Variants in BAIAP3 observed in about 807,000 individuals in gnomAD.
BAIAP3 encodes BAI1-associated protein 3.
In BAIAP3, 180 loss-of-function variants were observed where a neutral mutation model predicts 149.7. The observed-to-expected ratio is 1.20, with a 90% CI of 1.07 to 1.36. BAIAP3 has a LOEUF of 1.36. Ranked by LOEUF, BAIAP3 falls within the 40% of genes most tolerant of loss-of-function variation. The pLI is 0.00. For missense variants in BAIAP3, 1,767 were observed against 1,563.4 expected (o/e 1.13, Z -2.20); for synonymous variants, 845 against 670.7 (o/e 1.26, Z -4.02).
Position 1,341,105 on chromosome 16 carries a change from CCCCCCACGCCCCTCTGTCCACAGG to C in BAIAP3, c.469-15_477del. 1 of 1,609,884 alleles carries C rather than the reference CCCCCCACGCCCCTCTGTCCACAGG, an allele frequency of 6.2e-7. No homozygotes were observed. ...TGGGGGGCAGCTCAGCCTCACCAGG[CCCCCCACGCCCCTCTGTCCACAGG>C]CCCCCACGTATGCCCTGAAAGTCTC... On this transcript the variant is annotated splice_acceptor_variant and splice_polypyrimidine_tract_variant and coding_sequence_variant and intron_variant, in exon 7 of 34. Coordinates refer to ENST00000426824, the MANE Select transcript of BAIAP3 (RefSeq NM_001199097.2). LOFTEE classifies it high-confidence loss of function.
At position 1,346,324 on chromosome 16, in the gene BAIAP3, G is replaced by A. The variant is rs111937079; in HGVS notation, c.2456G>A (p.Arg819Gln). 1.7e-5 allele frequency: 27 copies of A among 1,603,928 alleles called. 1 individual carries two copies. The highest frequency in any genetic ancestry group is 1.6e-4 in the African/African-American group (12 of 74,878). Residue 819 changes from arginine (R) to glutamine (Q), a missense_variant, in exon 25 of 34, where the codon CGG (arginine) becomes CAG (glutamine). Arg to Gln is a conservative substitution (Grantham distance 43, BLOSUM62 1). Coordinates refer to ENST00000426824, the MANE Select transcript of BAIAP3 (RefSeq NM_001199097.2). ...CAGGCCCTGGACGATGATCTGCAAC[G>A]GGAGGCCCACACGGTGACAGCGCAC... ...CTQALDDDLQREAHTVTAHLT... is the reference protein window; with the variant it reads ...CTQALDDDLQQEAHTVTAHLT...
chr16:1,346,177 T>C lies in BAIAP3; in HGVS notation c.2309T>C (p.Val770Ala), dbSNP rs1435147595. The C allele has an allele frequency of 3.1e-6, 5 of 1,611,230 alleles. No homozygotes were observed. The African/African-American group carries it at 6.7e-5, about 22-fold the overall frequency. ...TGGCCACACCTCCTCCAGCTCTGCG[T>C]GGTCCTCAACAATGTGGAGCTCGTG... ...AGEAVSEALC[V>A]VLNNVELVRK... Residue 770 changes from valine (V) to alanine (A), a missense_variant, in exon 25 of 34, where the codon GTG becomes GCG. By Grantham distance (64) the Val-to-Ala change is moderately conservative. Transcript: ENST00000426824.
chr16:1,340,850 G>A (rs1003909863), intron 5 of BAIAP3, 72 bp from the exon 6 acceptor site: 73 of 1,483,918 alleles, frequency 4.9e-5, no homozygotes, highest in Non-Finnish European at 6.2e-5. Flanking sequence ...GGCTGAGCCC[G>A]AGGTCCCAGC....
In BAIAP3 at chr16:1,345,012, A is replaced by G. The variant is rs371444029; in HGVS notation, c.1853A>G (p.Lys618Arg). 30 of 1,612,586 alleles carry G rather than the reference A, an allele frequency of 1.9e-5. No individual in the cohort carries two copies. Among genetic ancestry groups the G allele is most frequent in the Middle Eastern group, 1.9e-4 (1 of 5,258 alleles). ...GTGCTGACGGAGGAGCTGAGCCCCAAGATGACCCTGGAGGTGGCCTCGGGG... is the reference window on the plus strand; with the variant it reads ...GTGCTGACGGAGGAGCTGAGCCCCAGGATGACCCTGGAGGTGGCCTCGGGG... ...AWVLTEELSP[K>R]MTLEVASGLF... is the part of the protein sequence containing the mutation. The change falls in exon 21 of 34, where the codon AAG (lysine) becomes AGG (arginine). Residue 618 changes from lysine to arginine, a missense_variant. Lys to Arg is a conservative substitution (Grantham distance 26). Coordinates refer to ENST00000426824, the MANE Select transcript of BAIAP3 (RefSeq NM_001199097.2).
At chr16:1,347,143 T>C in intron 28 of BAIAP3, 155 bp from the exon 29 acceptor site, 1 of 927,548 alleles carries the variant, frequency 1.1e-6, no homozygotes, top group East Asian at 2.6e-5. Flanking sequence ...CCACGCTTCC[T>C]GGGAGCTTCC....
At chr16:1,334,687 C>T in intron 1 of BAIAP3, 1 of 1,554,280 alleles carries the variant, frequency 6.4e-7, no homozygotes, top group Middle Eastern at 1.7e-4. Flanking sequence ...GCAGCGTTTG[C>T]AGCGGGCCCG....
At chr16:1,345,911 G>A (rs915131711) in intron 23 of BAIAP3, 21 bp downstream of exon 23, 2 of 1,579,876 alleles carry the variant, frequency 1.3e-6, no homozygotes, top group African/African-American at 2.7e-5. Flanking sequence ...GGGCCCTGGG[G>A]GTGAGGGGAA....
At chr16:1,345,692 ACCT>A in intron 22 of BAIAP3, 52 bp from the exon 23 acceptor site, 7 of 102,814 alleles carry the variant, frequency 6.8e-5, no homozygotes, top group Non-Finnish European at 8.0e-5. Context: ...CGCCTCCCCC[ACCT>A]CCCCAGCCTC....
At chr16:1,341,740 C>A in intron 8 of BAIAP3, 82 bp from the exon 9 acceptor site, 1 of 1,457,942 alleles carries the variant, frequency 6.9e-7, no homozygotes, top group Non-Finnish European at 9.4e-7. Context: ...TGGCCTGGTC[C>A]CTGCTGCTTC....
Position 1,348,468 on chromosome 16 carries a change from G to T in BAIAP3, c.3445G>T (p.Glu1149Ter). The T allele has an allele frequency of 6.2e-7, 1 of 1,610,462 alleles. No homozygotes were observed. The highest frequency in any genetic ancestry group is 1.3e-5 in the African/African-American group (1 of 75,012). ...KKLKELEKCMEADP is the reference protein window; with the variant it reads ...KKLKELEKCM Reference sequence around the variant, plus strand: ...ACTCAAGGAGCTGGAGAAGTGCATGGAGGCGGACCCCTGAGTCCATCAGCT... The same window carrying T: ...ACTCAAGGAGCTGGAGAAGTGCATGTAGGCGGACCCCTGAGTCCATCAGCT... The change falls in exon 34 of 34, where the codon GAG becomes TAG. Residue 1149 changes from glutamate to a stop codon, truncating the protein, a stop_gained. Transcript: ENST00000426824. LOFTEE classifies it high-confidence loss of function.
At chr16:1,347,209 C>A in intron 28 of BAIAP3, 89 bp from the exon 29 acceptor site, 1 of 1,345,608 alleles carries the variant, frequency 7.4e-7, no homozygotes, top group Non-Finnish European at 1.0e-6. Context: ...GCCCCCAGTG[C>A]TGCCTGGGCC....
At chr16:1,342,398 G>A (rs1567164255) in intron 11 of BAIAP3, 115 bp downstream of exon 11, 2 of 1,380,648 alleles carry the variant, frequency 1.4e-6, no homozygotes, top group East Asian at 2.5e-5. Context: ...CCTCCACTGA[G>A]TGCGCTTGTC....
chr16:1,334,363 C>T (rs887652198), intron 1 of BAIAP3: 10 of 443,856 alleles, frequency 2.3e-5, no homozygotes, highest in Non-Finnish European at 3.7e-5. Context: ...TCACCCCGGA[C>T]CGCCCGCCCC....
rs1567171995 is a variant in BAIAP3, at chr16:1,346,591, AC to A, written c.2563-10del. ...GGTGCGGGGTAAGCCTGGCCTGACCACCCCTGCCCGCAGGCCGTGGCCCCGC... is the reference window on the plus strand; with the variant it reads ...GGTGCGGGGTAAGCCTGGCCTGACCACCCTGCCCGCAGGCCGTGGCCCCGC... On this transcript the variant is annotated splice_polypyrimidine_tract_variant and intron_variant, in intron 26 of 33. Transcript: ENST00000426824. The A allele has an allele frequency of 2.6e-6, 4 of 1,536,480 alleles. No homozygotes were observed. Among genetic ancestry groups the A allele is most frequent in the African/African-American group, 1.4e-5 (1 of 71,760 alleles).
rs557498565 is a variant in BAIAP3 at position 1,346,648 on chromosome 16, T to C, written c.2606T>C (p.Leu869Pro). 2.2e-6 allele frequency: 3 copies of C among 1,386,716 alleles called. No individual in the cohort carries two copies. Among genetic ancestry groups the C allele is most frequent in the Non-Finnish European group, 2.9e-6 (3 of 1,051,450 alleles). The allele number at this position is 1,386,716 out of a possible 1,614,324, so 85.9% of individuals were successfully genotyped here. A position where few individuals can be genotyped will look rare whatever the true frequency, so the allele number is the denominator to read the frequency against. The change falls in exon 27 of 34, where the codon CTG becomes CCG. Residue 869 changes from leucine (L) to proline (P), a missense_variant. Physicochemically the swap from Leu to Pro is moderately conservative, Grantham distance 98. Coordinates refer to ENST00000426824, the MANE Select transcript of BAIAP3 (RefSeq NM_001199097.2). ...LMKYLDEKLA[L>P]LNASLVKGNL... ...AAGTACCTGGATGAGAAGCTGGCCCTGCTGAACGCCTCGCTGGTGAAGGGG... is the reference window on the plus strand; with the variant it reads ...AAGTACCTGGATGAGAAGCTGGCCCCGCTGAACGCCTCGCTGGTGAAGGGG...
intron 28 of BAIAP3, 153 bp from the exon 29 acceptor site, chr16:1,347,145 G>A: frequency 2.2e-6 from 2 of 930,184 alleles, no homozygotes. Flanking sequence ...ACGCTTCCTG[G>A]GAGCTTCCGA....
rs765556289 is a variant in BAIAP3, at chr16:1,339,564, G to C, written c.369G>C (p.Gln123His). The stretch of plus-strand genomic sequence containing the variant: ...GCGCGGGTACCATGGGCCCTGACCA[G>C]GTGGACGACGAGGAGGCCCTGCTCA... ...LYRAGTMGPD[Q>H]VDDEEALLSY... Residue 123 changes from glutamine (Q) to histidine (H), a missense_variant, in exon 5 of 34, where the codon CAG (glutamine) becomes CAC (histidine). Coordinates refer to ENST00000426824, the MANE Select transcript of BAIAP3 (RefSeq NM_001199097.2). 3.1e-5 allele frequency: 50 copies of C among 1,612,642 alleles called. No individual in the cohort carries two copies. Among genetic ancestry groups the C allele is most frequent in the Non-Finnish European group, 4.2e-5 (50 of 1,179,798 alleles).
intron 6 of BAIAP3, 28 bp downstream of exon 6, chr16:1,341,009 C>T (rs751941328): frequency 1.9e-6 from 3 of 1,607,544 alleles, no homozygotes; most frequent in Non-Finnish European, 2.5e-6. Context: ...TGGGCAGGCA[C>T]TGACCAGCAC....
intron 5 of BAIAP3, among the ~76,000 whole-genome samples, chr16:1,340,671 C>T (rs1243545819): frequency 1.3e-5 from 2 of 152,252 alleles, no homozygotes; most frequent in African/African-American, 2.4e-5. Flanking sequence ...GTGCTCTGAA[C>T]TCCCCTGTCC....
Sources: allele counts gnomAD v4.1 joint callset (sites outside exome capture counted in the v4.1 genomes callset), GRCh38; gene constraint gnomAD v4.1.1; transcripts MANE v1.5; gene names NCBI Gene and HGNC (gene_info 2026-07-23, HGNC 2026-07-21).